Variants in VPS13A observed in about 807,000 individuals in gnomAD.
VPS13A encodes the protein vacuolar protein sorting 13 homolog A, also known as intermembrane lipid transfer protein VPS13A.
In VPS13A, 264 loss-of-function variants were observed where a neutral mutation model predicts 390.9. The ratio of observed to expected loss-of-function variants is 0.68; its 90% CI spans 0.61 to 0.75. The LOEUF is 0.75. Among genes scored for constraint, VPS13A ranks in the 30% least tolerant of loss-of-function variants. The pLI, the probability that VPS13A is intolerant of heterozygous loss-of-function variation, is 0.00. For missense variants in VPS13A, 3,409 were observed against 3,733.9 expected, an observed-to-expected ratio of 0.91 and a Z score of 2.27; for synonymous variants, 1,231 against 1,227.1, an observed-to-expected ratio of 1.00 and a Z score of -0.07.
chr9:77,409,880 T>G (rs1190650138), intron 71 of VPS13A, among the ~76,000 whole-genome samples: 1 of 151,364 alleles, frequency 6.6e-6, no homozygotes, highest in Admixed American at 6.6e-5. Flanking sequence ...TGCAGGATAT[T>G]ATCCAGGAGA....
intron 46 of VPS13A, among the ~76,000 whole-genome samples, chr9:77,334,149 A>T (rs1457321250): frequency 3.9e-5 from 6 of 152,214 alleles, no homozygotes; most frequent in Admixed American, 1.3e-4. Flanking sequence ...ATGAACAAAG[A>T]TAAGGAAGCA....
intron 68 of VPS13A, among the ~76,000 whole-genome samples, chr9:77,402,292 T>A (rs1834426345): frequency 6.6e-6 from 1 of 152,220 alleles, no homozygotes; most frequent in South Asian, 2.1e-4. Context: ...AACTATCAAT[T>A]TTCTATACGA....
intron 71 of VPS13A, among the ~76,000 whole-genome samples, chr9:77,410,324 C>A (rs1049971761): frequency 3.3e-5 from 5 of 152,148 alleles, no homozygotes; most frequent in African/African-American, 1.2e-4. Flanking sequence ...ACAACCGGTA[C>A]CAGCCACTGC....
At chr9:77,405,418 C>CTGTT (rs1834557758) in intron 69 of VPS13A, among the ~76,000 whole-genome samples, 1 of 152,070 alleles carries the variant, frequency 6.6e-6, no homozygotes. Flanking sequence ...TAAATGTACC[C>CTGTT]TGTTTCTTAT....
chr9:77,185,145 C>CT (rs1454699052), intron 1 of VPS13A, among the ~76,000 whole-genome samples: 1 of 151,310 alleles, frequency 6.6e-6, no homozygotes, highest in African/African-American at 2.4e-5. Flanking sequence ...ATGACATTAT[C>CT]TCTTTTTTTT....
chr9:77,320,407 A>C (rs190111979), intron 42 of VPS13A, among the ~76,000 whole-genome samples: 13 of 152,036 alleles, frequency 8.6e-5, no homozygotes, highest in Non-Finnish European at 1.3e-4. Context: ...TATATTGTGG[A>C]TTTATATAAT....
At chr9:77,398,542 AATG>A (rs2131639574) in intron 68 of VPS13A, among the ~76,000 whole-genome samples, 1 of 152,242 alleles carries the variant, frequency 6.6e-6, no homozygotes, top group South Asian at 2.1e-4. Flanking sequence ...TCCCCCCAAA[AATG>A]ATGTTTTGAG....
At chr9:77,211,966 G>A (rs867067351) in intron 7 of VPS13A, among the ~76,000 whole-genome samples, 7 of 152,084 alleles carry the variant, frequency 4.6e-5, no homozygotes, top group African/African-American at 7.2e-5. Context: ...TGTGAACTGC[G>A]CATCTCAGGG....
At position 77,242,225 on chromosome 9, in the gene VPS13A, A is replaced by G. The variant is rs780133262; in HGVS notation, c.1900+3839A>G. ...ATTCACTTTATCCTTATTGGTAGAT[A>G]TGAGATATACTATCTGTCATTTTCC... On this transcript the variant is annotated intron_variant, in intron 19 of 71. Coordinates refer to ENST00000360280, the MANE Select transcript of VPS13A (RefSeq NM_033305.3). Among the ~76,000 whole-genome samples the G allele has an allele frequency of 1.8e-4, 27 of 152,180 alleles. 1 individual carries two copies. Among genetic ancestry groups the G allele is most frequent in the Non-Finnish European group, 2.6e-4 (18 of 67,996 alleles).
chr9:77,268,737 C>G (rs542658589), intron 23 of VPS13A, among the ~76,000 whole-genome samples: 1 of 151,902 alleles, frequency 6.6e-6, no homozygotes, highest in Non-Finnish European at 1.5e-5. Flanking sequence ...GTTAGGAGTT[C>G]GAGACCAGCC....
rs569076822 is a variant in VPS13A, at chr9:77,357,292, C to G, written c.7807-400C>G. Among the ~76,000 whole-genome samples the G allele has an allele frequency of 1.7e-4, 22 of 129,690 alleles. No homozygotes were observed. In the South Asian group the frequency reaches 5.3e-3, roughly 31 times the overall value. 85.1% of individuals were successfully genotyped at this position (129,690 alleles called of 152,430 possible). On this transcript the variant is annotated intron_variant, in intron 55 of 71. Coordinates refer to ENST00000360280, the MANE Select transcript of VPS13A (RefSeq NM_033305.3). ...CAAGATGGCCCCACTGCGCTCCAGC[C>G]TGGCTGACAGCAAGACTCTGTCTCA...
chr9:77,394,375 A>G (rs2131634158), intron 68 of VPS13A, among the ~76,000 whole-genome samples: 1 of 152,174 alleles, frequency 6.6e-6, no homozygotes, highest in Admixed American at 6.5e-5. Flanking sequence ...CCAGGGCTCT[A>G]GGATTTTTGG....
At chr9:77,308,789 C>G (rs1036937449) in intron 35 of VPS13A, among the ~76,000 whole-genome samples, 1 of 152,166 alleles carries the variant, frequency 6.6e-6, no homozygotes, top group African/African-American at 2.4e-5. Context: ...CTACCTACCT[C>G]AAAATGAAAC....
At chr9:77,348,562 T>C (rs1831289171) in intron 52 of VPS13A, among the ~76,000 whole-genome samples, 1 of 151,994 alleles carries the variant, frequency 6.6e-6, no homozygotes, top group African/African-American at 2.4e-5. Flanking sequence ...CACCATGGAA[T>C]ACATTTACCT....
intron 46 of VPS13A, 133 bp downstream of exon 46, chr9:77,332,246 T>G: frequency 1.5e-6 from 1 of 667,956 alleles, no homozygotes; most frequent in Non-Finnish European, 2.7e-6. Context: ...TCAGTGCACT[T>G]AGATCTTAAA....
chr9:77,412,335 A>G (rs140437053), intron 71 of VPS13A, among the ~76,000 whole-genome samples: 4,291 of 152,300 alleles, frequency 0.028, 186 homozygotes, highest in African/African-American at 0.097. Flanking sequence ...CATTGATGCA[A>G]AAATCCTCAA....
At chr9:77,335,476 T>A (rs1012608777) in intron 46 of VPS13A, among the ~76,000 whole-genome samples, 1 of 151,228 alleles carries the variant, frequency 6.6e-6, no homozygotes, top group Non-Finnish European at 1.5e-5. Context: ...AGGACTAATA[T>A]CCAGAATCTA....
chr9:77,404,895 G>A (rs945215812), intron 69 of VPS13A, among the ~76,000 whole-genome samples: 2 of 152,192 alleles, frequency 1.3e-5, no homozygotes, highest in Non-Finnish European at 2.9e-5. Context: ...ATCCAGGACT[G>A]GTAAAAGAGG....
At chr9:77,377,351 C>G (rs1383282358) in intron 67 of VPS13A, among the ~76,000 whole-genome samples, 1 of 151,504 alleles carries the variant, frequency 6.6e-6, no homozygotes, top group Non-Finnish European at 1.5e-5. Context: ...TCCCAAGTAG[C>G]TGGGACTACA....
Sources: allele counts gnomAD v4.1 joint callset (sites outside exome capture counted in the v4.1 genomes callset), GRCh38; gene constraint gnomAD v4.1.1; transcripts MANE v1.5; gene names NCBI Gene and HGNC (gene_info 2026-07-23, HGNC 2026-07-21).